The following EPS15L1 variants were observed in gnomAD, a reference collection of about 807,000 sequenced individuals.
EPS15L1 encodes the protein epidermal growth factor receptor substrate 15-like 1.
Under a neutral mutation model 117.1 loss-of-function variants are expected in EPS15L1, and 43 were observed. That is an observed-to-expected ratio of 0.37 (90% confidence interval 0.29 to 0.47). The LOEUF (loss-of-function observed/expected upper bound fraction) is 0.47, where lower values mean the gene tolerates loss of function less well. Ranked by LOEUF, EPS15L1 falls within the 20% of genes least tolerant of loss-of-function variation. The pLI, the probability that EPS15L1 is intolerant of heterozygous loss-of-function variation, is 0.99. For missense variants in EPS15L1, 981 were observed against 1,164.0 expected, an observed-to-expected ratio of 0.84 and a Z score of 2.29; for synonymous variants, 459 against 470.5, an observed-to-expected ratio of 0.98 and a Z score of 0.32.
At chr19:16,459,642 G>A (rs1257438267) in intron 1 of EPS15L1, among the ~76,000 whole-genome samples, 1 of 152,190 alleles carries the variant, frequency 6.6e-6, no homozygotes, top group Non-Finnish European at 1.5e-5. Context: ...CTGGCCTGAG[G>A]ATGCTGGTAA....
chr19:16,449,841 A>G (rs1033660864), intron 1 of EPS15L1, among the ~76,000 whole-genome samples: 11 of 152,322 alleles, frequency 7.2e-5, no homozygotes, highest in Middle Eastern at 6.8e-3. Flanking sequence ...CAGCTGACAC[A>G]TATGCAATAA....
At chr19:16,359,785 C>T (rs1038870176) in intron 23 of EPS15L1, among the ~76,000 whole-genome samples, 3 of 151,940 alleles carry the variant, frequency 2.0e-5, no homozygotes, top group Non-Finnish European at 4.4e-5. Context: ...TTGCTTGAGC[C>T]CAGGAGGTCA....
intron 22 of EPS15L1, among the ~76,000 whole-genome samples, chr19:16,368,578 T>C (rs925432399): frequency 4.6e-5 from 7 of 151,258 alleles, no homozygotes; most frequent in African/African-American, 1.2e-4. Context: ...ACAACTGTTA[T>C]TCATTCCACA....
chr19:16,428,425 A>G (rs962148446), intron 8 of EPS15L1, among the ~76,000 whole-genome samples: 1 of 132,644 alleles, frequency 7.5e-6, no homozygotes, highest in Non-Finnish European at 1.6e-5. Flanking sequence ...GGAAGGAAGG[A>G]AGGAAGGAAG....
intron 16 of EPS15L1, among the ~76,000 whole-genome samples, chr19:16,398,391 G>C (rs575163664): frequency 6.6e-5 from 10 of 152,228 alleles, no homozygotes; most frequent in Non-Finnish European, 1.2e-4. Context: ...ACTGCAGCTG[G>C]AGACAGTGCT....
At chr19:16,423,328 G>A (rs2092836327) in intron 9 of EPS15L1, among the ~76,000 whole-genome samples, 1 of 152,168 alleles carries the variant, frequency 6.6e-6, no homozygotes, top group African/African-American at 2.4e-5. Flanking sequence ...CACTTTGGGA[G>A]GCCAAGGCAG....
intron 21 of EPS15L1, among the ~76,000 whole-genome samples, chr19:16,382,551 A>G (rs921431923): frequency 6.6e-6 from 1 of 152,096 alleles, no homozygotes; most frequent in African/African-American, 2.4e-5. Flanking sequence ...CCTAAATATC[A>G]ATGCACAGCT....
intron 13 of EPS15L1, among the ~76,000 whole-genome samples, chr19:16,412,068 A>T (rs939781939): frequency 6.6e-6 from 1 of 152,154 alleles, no homozygotes; most frequent in Non-Finnish European, 1.5e-5. Flanking sequence ...GTAAATAGTT[A>T]TCATATTGTA....
chr19:16,448,073 G>A (rs1397093583), intron 1 of EPS15L1, among the ~76,000 whole-genome samples: 1 of 152,172 alleles, frequency 6.6e-6, no homozygotes, highest in Non-Finnish European at 1.5e-5. Context: ...CGAACTAAAA[G>A]TCTTATGCCT....
intron 9 of EPS15L1, among the ~76,000 whole-genome samples, chr19:16,422,247 G>A (rs573159729): frequency 6.6e-6 from 1 of 152,298 alleles, no homozygotes; most frequent in East Asian, 1.9e-4. Flanking sequence ...GGGTCAACCA[G>A]GGCCCGGTCA....
At chr19:16,385,357 C>CCT in intron 20 of EPS15L1, 146 bp from the exon 21 acceptor site, 1 of 685,952 alleles carries the variant, frequency 1.5e-6, no homozygotes, top group Non-Finnish European at 2.5e-6. Flanking sequence ...TGCATGAAGG[C>CCT]CTCTCAGCAA....
chr19:16,402,410 G>A lies in EPS15L1; in HGVS notation c.1702C>T (p.Leu568Phe). The A allele has an allele frequency of 6.2e-7, 1 of 1,614,090 alleles. No homozygotes were observed. Among genetic ancestry groups the A allele is most frequent in the African/African-American group, 1.3e-5 (1 of 75,054 alleles). Reference protein sequence around the residue: ...HRSLEQYDQVLDGAHGASLTD... With the variant: ...HRSLEQYDQVFDGAHGASLTD... ...AGGCTGGCACCATGGGCTCCATCGAGCACCTGGTCATACTGCTCCAGGCTC... is the reference window on the plus strand; with the variant it reads ...AGGCTGGCACCATGGGCTCCATCGAACACCTGGTCATACTGCTCCAGGCTC... Residue 568 changes from leucine to phenylalanine, a missense_variant, in exon 16 of 24, where the codon CTC (leucine) becomes TTC (phenylalanine). Leu to Phe is a conservative substitution (Grantham distance 22). Coordinates refer to ENST00000455140, the MANE Select transcript of EPS15L1 (RefSeq NM_001258374.3).
rs2092202490 is a variant in EPS15L1, at chr19:16,370,253, G to A, written c.2380+6869C>T. 6.6e-6 allele frequency among the ~76,000 whole-genome samples: 1 copy of A among 152,136 alleles called. No homozygotes were observed. The highest frequency in any genetic ancestry group is 2.4e-5 in the African/African-American group (1 of 41,406). On this transcript the variant is annotated intron_variant, in intron 22 of 23. Transcript: ENST00000455140. This position sits in a 1 kb window ranked among gnomAD's most constrained non-coding sequence, Gnocchi z 5.2. The stretch of plus-strand genomic sequence containing the variant: ...TTTGCAGTTAGCAGTGGCAGGCAAG[G>A]GGCGCGCTGACTCAGGGCTTTGAAT...
chr19:16,389,737 T>A (rs1162426214), intron 19 of EPS15L1, among the ~76,000 whole-genome samples: 1 of 152,228 alleles, frequency 6.6e-6, no homozygotes, highest in Non-Finnish European at 1.5e-5. Context: ...ACATAAGACA[T>A]GCTGGCTGCA....
intron 16 of EPS15L1, chr19:16,401,460 GGAGA>G (rs1199096777): frequency 2.0e-6 from 2 of 985,652 alleles, no homozygotes; most frequent in Non-Finnish European, 2.4e-6. Context: ...AGGAGCCCTG[GGAGA>G]GAGGGTGGCA....
rs2092218709 is a variant in EPS15L1, at chr19:16,371,142, A to C, written c.2380+5980T>G. ...TAAAGTGGATCTTGTGCAATCAACA[A>C]AAGGTTTTGGGACCCACATGGGCAC... On this transcript the variant is annotated intron_variant, in intron 22 of 23. Coordinates refer to ENST00000455140, the MANE Select transcript of EPS15L1 (RefSeq NM_001258374.3). The surrounding 1 kb of genome is among the most constrained non-coding windows in gnomAD (Gnocchi z 4.7). Among the ~76,000 whole-genome samples, 1 of 152,210 alleles carries C rather than the reference A, an allele frequency of 6.6e-6. No homozygotes were observed. The highest frequency in any genetic ancestry group is 1.5e-5 in the Non-Finnish European group (1 of 68,034).
At chr19:16,415,763 G>A (rs1044496769) in intron 12 of EPS15L1, among the ~76,000 whole-genome samples, 1 of 152,172 alleles carries the variant, frequency 6.6e-6, no homozygotes, top group Non-Finnish European at 1.5e-5. Context: ...GGCTGTCTGA[G>A]GCCACACTGG....
In EPS15L1 at chr19:16,441,926, T is replaced by C. The variant is rs2093036096; in HGVS notation, c.131A>G (p.Lys44Arg). 6.2e-7 allele frequency: 1 copy of C among 1,613,976 alleles called. No homozygotes were observed. The highest frequency in any genetic ancestry group is 1.7e-5 in the Admixed American group (1 of 59,982). Residue 44 changes from lysine (K) to arginine (R), a missense_variant, in exon 3 of 24, where the codon AAG becomes AGG. By Grantham distance (26) the Lys-to-Arg change is conservative. Coordinates refer to ENST00000455140, the MANE Select transcript of EPS15L1 (RefSeq NM_001258374.3). ...VGASEAALFL[K>R]KSGLSDIILG... is the part of the protein sequence containing the mutation. Reference sequence around the variant, plus strand: ...GATAATGTCCGAGAGGCCAGACTTCTTTAGAAAAAGCGCAGCTTCACTCGC... The same window carrying C: ...GATAATGTCCGAGAGGCCAGACTTCCTTAGAAAAAGCGCAGCTTCACTCGC...
At position 16,356,323 on chromosome 19, in the gene EPS15L1, T is replaced by C. The variant is rs189958917; in HGVS notation, c.2587-472A>G. 1.5e-3 allele frequency: 236 copies of C among 160,696 alleles called. 2 individuals are homozygous for C. The highest frequency in any genetic ancestry group is 4.0e-3 in the South Asian group (24 of 5,970). 10.0% of individuals were successfully genotyped at this position (160,696 alleles called of 1,614,324 possible). A position where few individuals can be genotyped will look rare whatever the true frequency, so the allele number is the denominator to read the frequency against. ...TCATTTTCTTTTTCTTTTTCTTTTT[T>C]TTTTTTTGAGATGGAGTCTCGCTCT... On this transcript the variant is annotated intron_variant, in intron 23 of 23. Coordinates refer to ENST00000455140, the MANE Select transcript of EPS15L1 (RefSeq NM_001258374.3).
Sources: gnomAD v4.1 joint callset for allele counts (sites outside exome capture counted in the v4.1 genomes callset) on GRCh38, gnomAD v4.1.1 for gene constraint, Gnocchi (gnomAD v3.1) non-coding constraint, MANE v1.5 for transcripts, NCBI Gene and HGNC (gene_info 2026-07-23, HGNC 2026-07-21) for gene names.